FKBP10: variants seen among roughly 807,000 people sequenced by gnomAD.
The protein encoded by FKBP10 is FKBP prolyl isomerase 10.
FKBP10 carries 34 observed loss-of-function variants against 53.7 expected under a neutral mutation model. The observed-to-expected ratio is 0.63, with a 90% CI of 0.48 to 0.84. The LOEUF is 0.84. Among genes scored for constraint, FKBP10 ranks in the 40% least tolerant of loss-of-function variants. The pLI, the probability that FKBP10 is intolerant of heterozygous loss-of-function variation, is 0.00. For missense variants in FKBP10, 748 were observed against 797.8 expected, an observed-to-expected ratio of 0.94 and a Z score of 0.75; for synonymous variants, 324 against 335.7, an observed-to-expected ratio of 0.97 and a Z score of 0.38.
Position 41,822,396 on chromosome 17 carries a change from C to T in FKBP10, c.1737C>T (p.His579=), listed in dbSNP as rs1236090682. 12 of 1,606,352 alleles carry T rather than the reference C, an allele frequency of 7.5e-6. No individual in the cohort carries two copies. The highest frequency in any genetic ancestry group is 2.7e-5 in the African/African-American group (2 of 74,814). The change falls in exon 10 of 10, where the codon CAC becomes CAT. Residue 579 remains histidine, a synonymous_variant. Transcript: ENST00000321562. ...LKSDEDEERV[H]EEL is the part of the protein sequence containing the mutation. Reference sequence around the variant, plus strand: ...CAGATGAGGACGAGGAGCGGGTCCACGAGGAGCTCTGAGGGGCAGGGAGCC... The same window carrying T: ...CAGATGAGGACGAGGAGCGGGTCCATGAGGAGCTCTGAGGGGCAGGGAGCC...
At chr17:41,820,891 G>T in intron 7 of FKBP10, 56 bp from the exon 8 acceptor site, 1 of 1,591,220 alleles carries the variant, frequency 6.3e-7, no homozygotes, top group Admixed American at 1.8e-5. Context: ...AGGGAGAGGG[G>T]TGTGCGCTGG....
intron 1 of FKBP10, among the ~76,000 whole-genome samples, chr17:41,814,510 T>C (rs782313872): frequency 1.3e-5 from 2 of 152,246 alleles, no homozygotes; most frequent in Non-Finnish European, 2.9e-5. Context: ...GACCTGATGC[T>C]GTGGAACTTG....
Position 41,822,806 on chromosome 17 carries a change from C to G in FKBP10, c.*398C>G. ...ACTTCTTGTCATCCCCACTCCCAGC[C>G]CCTTTTCCTCTATGTGACAGCTCCC... On this transcript the variant is annotated 3_prime_UTR_variant, in exon 10 of 10. Coordinates refer to ENST00000321562, the MANE Select transcript of FKBP10 (RefSeq NM_021939.4). 1 of 341,766 alleles carries G rather than the reference C, an allele frequency of 2.9e-6. No homozygotes were observed. The allele number at this position is 341,766 out of a possible 1,614,324, so 21.2% of individuals were successfully genotyped here.
chr17:41,818,971 A>T, intron 4 of FKBP10: 1 of 521,878 alleles, frequency 1.9e-6, no homozygotes, highest in Non-Finnish European at 3.4e-6. Context: ...AAAAAAAAAA[A>T]AAAGAAGGGG....
chr17:41,819,334 G>T lies in FKBP10; in HGVS notation c.852G>T (p.Gly284=). 6.2e-7 allele frequency: 1 copy of T among 1,614,128 alleles called. No homozygotes were observed. The highest frequency in any genetic ancestry group is 8.5e-7 in the Non-Finnish European group (1 of 1,180,022). The part of the protein sequence containing the change: ...ELPPGCVRRA[G]AGDFMRYHYN... ...CCCCCGGCTGTGTCCGCAGAGCCGGGGCCGGGGACTTCATGCGCTACCACT... is the reference window on the plus strand; with the variant it reads ...CCCCCGGCTGTGTCCGCAGAGCCGGTGCCGGGGACTTCATGCGCTACCACT... Residue 284 remains glycine, a synonymous_variant, in exon 5 of 10, where the codon GGG becomes GGT. Transcript: ENST00000321562.
At position 41,819,239 on chromosome 17, in the gene FKBP10, G is replaced by A; in HGVS notation, c.757G>A (p.Val253Ile). Residue 253 changes from valine (V) to isoleucine (I), a missense_variant, in exon 5 of 10, where the codon GTC becomes ATC. Val to Ile is a conservative substitution (Grantham distance 29). Transcript: ENST00000321562. ...GTVIPPQASL[V>I]FHVLLIDVHN... The stretch of plus-strand genomic sequence containing the variant: ...AGTGATCCCCCCACAGGCCTCGCTG[G>A]TCTTTCACGTCCTCCTGATTGACGT... The A allele has an allele frequency of 6.2e-7, 1 of 1,614,184 alleles. No homozygotes were observed. Among genetic ancestry groups the A allele is most frequent in the Middle Eastern group, 1.6e-4 (1 of 6,062 alleles).
chr17:41,819,158 G>A, intron 4 of FKBP10, 52 bp from the exon 5 acceptor site: 3 of 1,597,610 alleles, frequency 1.9e-6, no homozygotes, highest in Non-Finnish European at 2.6e-6. Flanking sequence ...AGTCAAGAAG[G>A]AGCCTCGGCT....
chr17:41,813,256 A>C lies in FKBP10; in HGVS notation c.222A>C (p.Glu74Asp). The change falls in exon 1 of 10, where the codon GAA becomes GAC. Residue 74 changes from glutamate to aspartate, a missense_variant. By Grantham distance (45) the Glu-to-Asp change is conservative. Transcript: ENST00000321562. ...FVRYHYNGTF[E>D]DGKKFDSSYD... ...GCTACCACTACAACGGCACTTTTGA[A>C]GATGGCAAGAAGTTTGATTCAAGGT... is the stretch of plus-strand genomic sequence containing the variant. The C allele has an allele frequency of 6.2e-7, 1 of 1,613,814 alleles. No homozygotes were observed. Among genetic ancestry groups the C allele is most frequent in the Admixed American group, 1.7e-5 (1 of 60,026 alleles).
In FKBP10 at chr17:41,817,046, C is replaced by T. The variant is rs782790783; in HGVS notation, c.246-12C>T. The T allele has an allele frequency of 1.2e-6, 2 of 1,613,880 alleles. No individual in the cohort carries two copies. The highest frequency in any genetic ancestry group is 1.7e-6 in the Non-Finnish European group (2 of 1,180,002). ...TGAGGTCACTGTATCCCATCTGTCC[C>T]TCCCCCCCCAGCTATGATCGCAACA... On this transcript the variant is annotated splice_polypyrimidine_tract_variant and intron_variant, in intron 1 of 9. Transcript: ENST00000321562.
rs2047770602 is a variant in FKBP10 at position 41,813,184 on chromosome 17, C to T, written c.150C>T (p.His50=). The change falls in exon 1 of 10, where the codon CAC becomes CAT. Residue 50 remains histidine (H), a synonymous_variant. Coordinates refer to ENST00000321562, the MANE Select transcript of FKBP10 (RefSeq NM_021939.4). ...AAGATGTGGTCATCGAGAGGTACCA[C>T]ATCCCCAGGGCCTGTCCCCGGGAAG... The part of the protein sequence containing the change: ...PLEDVVIERY[H]IPRACPREVQ... The T allele has an allele frequency of 1.4e-5, 22 of 1,613,036 alleles. No homozygotes were observed. The highest frequency in any genetic ancestry group is 1.9e-5 in the Non-Finnish European group (22 of 1,179,978).
chr17:41,816,038 T>G (rs1013118089), intron 1 of FKBP10, among the ~76,000 whole-genome samples: 1 of 150,460 alleles, frequency 6.6e-6, no homozygotes. Context: ...CTTCGGAGGC[T>G]GAGGCAGGAG....
chr17:41,815,615 C>T (rs1422538904), intron 1 of FKBP10, among the ~76,000 whole-genome samples: 4 of 151,244 alleles, frequency 2.6e-5, no homozygotes, highest in Non-Finnish European at 5.9e-5. Flanking sequence ...ACAGGCGCCT[C>T]CACAATTTTT....
Position 41,817,159 on chromosome 17 carries a change from G to A in FKBP10, c.347G>A (p.Arg116His), listed in dbSNP as rs782403584. 24 of 1,613,850 alleles carry A rather than the reference G, an allele frequency of 1.5e-5. No individual in the cohort carries two copies. Among genetic ancestry groups the A allele is most frequent in the Non-Finnish European group, 1.7e-5 (20 of 1,180,054 alleles). Residue 116 changes from arginine (R) to histidine (H), a missense_variant, in exon 2 of 10, where the codon CGC (arginine) becomes CAC (histidine). Physicochemically the swap from Arg to His is conservative, Grantham distance 29 (BLOSUM62 0). Transcript: ENST00000321562. ...GGCATGTGTGTCAACGAGCGGCGAC[G>A]CCTCATTGTGCCTCCCCACCTGGGC... The part of the protein sequence containing the change: ...LMGMCVNERR[R>H]LIVPPHLGYG...
At position 41,821,638 on chromosome 17, in the gene FKBP10, C is replaced by T; in HGVS notation, c.1400-16C>T. The T allele has an allele frequency of 1.2e-6, 2 of 1,613,406 alleles. No individual in the cohort carries two copies. Among genetic ancestry groups the T allele is most frequent in the Non-Finnish European group, 1.7e-6 (2 of 1,179,940 alleles). ...CCTGACTAGGACCCCTCCCTTCTCT[C>T]CTGCCCTCCCTCCAGCCCGGGGAGT... On this transcript the variant is annotated splice_polypyrimidine_tract_variant and intron_variant, in intron 8 of 9. Coordinates refer to ENST00000321562, the MANE Select transcript of FKBP10 (RefSeq NM_021939.4).
Position 41,821,758 on chromosome 17 carries a change from C to T in FKBP10, c.1504C>T (p.Pro502Ser). The change falls in exon 9 of 10, where the codon CCT (proline) becomes TCT (serine). Residue 502 changes from proline to serine, a missense_variant. Coordinates refer to ENST00000321562, the MANE Select transcript of FKBP10 (RefSeq NM_021939.4). ...CCTGTTTGTGTGGCACAAGGACCCT[C>T]CTGCCAACCTGTTTGAAGACATGGA... is the stretch of plus-strand genomic sequence containing the variant. ...GYLFVWHKDP[P>S]ANLFEDMDLN... The T allele has an allele frequency of 6.2e-7, 1 of 1,614,186 alleles. No homozygotes were observed. The highest frequency in any genetic ancestry group is 8.5e-7 in the Non-Finnish European group (1 of 1,180,032).
chr17:41,822,022 TCCCCATG>T, intron 9 of FKBP10, among the ~76,000 whole-genome samples, 194 bp from the exon 10 acceptor site: 1 of 151,908 alleles, frequency 6.6e-6, no homozygotes, highest in African/African-American at 2.4e-5. Context: ...TCACAGACTA[TCCCCATG>T]CCACGCCTCC....
At chr17:41,813,866 C>T (rs1473902028) in intron 1 of FKBP10, among the ~76,000 whole-genome samples, 1 of 148,420 alleles carries the variant, frequency 6.7e-6, no homozygotes, top group African/African-American at 2.6e-5. Context: ...GCCCTGTCTA[C>T]GTGTCACACA....
In FKBP10 at chr17:41,819,614, C is replaced by G; in HGVS notation, c.1002C>G (p.Cys334Trp). ...PGMDQGLQGA[C>W]MGERRRITIP... is the part of the protein sequence containing the mutation. Reference sequence around the variant, plus strand: ...TGGACCAGGGGCTGCAGGGTGCCTGCATGGGGGAACGCCGGAGAATTACCA... The same window carrying G: ...TGGACCAGGGGCTGCAGGGTGCCTGGATGGGGGAACGCCGGAGAATTACCA... Residue 334 changes from cysteine (C) to tryptophan (W), a missense_variant, in exon 6 of 10, where the codon TGC becomes TGG. By Grantham distance (215) the Cys-to-Trp change is radical (BLOSUM62 -2). Coordinates refer to ENST00000321562, the MANE Select transcript of FKBP10 (RefSeq NM_021939.4). 2 of 1,613,590 alleles carry G rather than the reference C, an allele frequency of 1.2e-6. No individual in the cohort carries two copies. Among genetic ancestry groups the G allele is most frequent in the Non-Finnish European group, 1.7e-6 (2 of 1,179,852 alleles).
In FKBP10 at chr17:41,819,292, A is replaced by C. The variant is rs782604150; in HGVS notation, c.810A>C (p.Leu270=). The change falls in exon 5 of 10, where the codon CTA becomes CTC. Residue 270 remains leucine, a synonymous_variant. Transcript: ENST00000321562. ...DVHNPKDAVQ[L]ETLELPPGCV... ...ACAACCCGAAGGACGCTGTCCAGCT[A>C]GAGACGCTGGAGCTCCCCCCCGGCT... is the stretch of plus-strand genomic sequence containing the variant. 6.2e-7 allele frequency: 1 copy of C among 1,614,124 alleles called. No individual in the cohort carries two copies. The highest frequency in any genetic ancestry group is 1.1e-5 in the South Asian group (1 of 91,084).
Sources: gnomAD v4.1 joint callset for allele counts (sites outside exome capture counted in the v4.1 genomes callset) on GRCh38, gnomAD v4.1.1 for gene constraint, MANE v1.5 for transcripts, NCBI Gene and HGNC (gene_info 2026-07-23, HGNC 2026-07-21) for gene names.